PPP1R14C: variants seen among roughly 807,000 people sequenced by gnomAD.
PPP1R14C encodes the protein protein phosphatase 1 regulatory inhibitor subunit 14C.
A neutral mutation model predicts 20.4 loss-of-function variants in PPP1R14C; 16 were observed. The ratio of observed to expected loss-of-function variants is 0.78; its 90% CI spans 0.53 to 1.19. The LOEUF is 1.19. Among genes scored for constraint, PPP1R14C ranks in the 50% most tolerant of loss-of-function variants. The pLI is 0.00. For synonymous variants in PPP1R14C, 91 were observed against 91.0 expected (o/e 1.00, Z 0.00); for missense variants, 211 against 220.1 (o/e 0.96, Z 0.26).
At chr6:150,223,904 G>T in intron 3 of PPP1R14C, among the ~76,000 whole-genome samples, 1 of 152,022 alleles carries the variant, frequency 6.6e-6, no homozygotes, top group East Asian at 1.9e-4. Flanking sequence ...CTTTTGTGTT[G>T]TATCTACAAA....
At position 150,162,713 on chromosome 6, in the gene PPP1R14C, C is replaced by T. The variant is rs114504598; in HGVS notation, c.306+19215C>T. 4.7e-3 allele frequency among the ~76,000 whole-genome samples: 709 copies of T among 152,320 alleles called. 4 individuals are homozygous for T. Among genetic ancestry groups the T allele is most frequent in the African/African-American group, 0.016 (677 of 41,566 alleles). ...ATTAGTGAGGTCAAAATGCCACATG[C>T]ACTTTTAGGTGCTAGGGACACAGGT... On this transcript the variant is annotated intron_variant, in intron 1 of 3. Transcript: ENST00000361131.
At chr6:150,234,033 T>G (rs1778323919) in intron 3 of PPP1R14C, among the ~76,000 whole-genome samples, 1 of 152,196 alleles carries the variant, frequency 6.6e-6, no homozygotes, top group Non-Finnish European at 1.5e-5. Flanking sequence ...GGGGAGAGTG[T>G]GCGAATTCCC....
chr6:150,233,255 G>A (rs1434782980), intron 3 of PPP1R14C, among the ~76,000 whole-genome samples: 2 of 152,172 alleles, frequency 1.3e-5, no homozygotes, highest in Non-Finnish European at 1.5e-5. Flanking sequence ...GGGGCGGTTA[G>A]AGACCCAGGT....
At chr6:150,181,760 T>C (rs367933981) in intron 1 of PPP1R14C, among the ~76,000 whole-genome samples, 57 of 152,374 alleles carry the variant, frequency 3.7e-4, no homozygotes, top group Admixed American at 1.0e-3. Flanking sequence ...GAGCCATCTT[T>C]TTGACAAACA....
intron 1 of PPP1R14C, among the ~76,000 whole-genome samples, chr6:150,165,918 G>A (rs1418452311): frequency 1.3e-5 from 2 of 152,150 alleles, no homozygotes; most frequent in African/African-American, 4.8e-5. Context: ...AAAATTTAGT[G>A]CCAGACCAAA....
chr6:150,209,711 G>GT (rs1439708093), intron 1 of PPP1R14C, among the ~76,000 whole-genome samples: 1 of 151,680 alleles, frequency 6.6e-6, no homozygotes, highest in Non-Finnish European at 1.5e-5. Context: ...GTGTGTGCAT[G>GT]TGAGCGTATG....
intron 1 of PPP1R14C, among the ~76,000 whole-genome samples, chr6:150,199,043 C>T (rs1777845073): frequency 6.6e-6 from 1 of 151,540 alleles, no homozygotes. Flanking sequence ...GAATGGCATC[C>T]TTTACTTAAA....
chr6:150,224,301 C>T (rs918115844), intron 3 of PPP1R14C, among the ~76,000 whole-genome samples: 1 of 152,104 alleles, frequency 6.6e-6, no homozygotes, highest in South Asian at 2.1e-4. Flanking sequence ...TTATTTTTGT[C>T]CTGCAACATT....
chr6:150,247,515 C>A (rs1044463205), intron 3 of PPP1R14C, among the ~76,000 whole-genome samples: 10 of 152,052 alleles, frequency 6.6e-5, no homozygotes, highest in African/African-American at 2.2e-4. Context: ...TCATGAAATC[C>A]TTTTAGTGAG....
chr6:150,224,302 C>T (rs1778204547), intron 3 of PPP1R14C, among the ~76,000 whole-genome samples: 1 of 152,062 alleles, frequency 6.6e-6, no homozygotes, highest in Admixed American at 6.6e-5. Context: ...TATTTTTGTC[C>T]TGCAACATTG....
intron 1 of PPP1R14C, among the ~76,000 whole-genome samples, chr6:150,145,971 T>C (rs955661320): frequency 3.3e-5 from 5 of 152,200 alleles, no homozygotes; most frequent in African/African-American, 1.2e-4. Context: ...AAGTGATGTA[T>C]TTAGAAAGAG....
At chr6:150,225,888 C>G (rs1301053575) in intron 3 of PPP1R14C, among the ~76,000 whole-genome samples, 1 of 152,162 alleles carries the variant, frequency 6.6e-6, no homozygotes, top group Non-Finnish European at 1.5e-5. Flanking sequence ...GTTAAATATG[C>G]AAGAAGTCCA....
chr6:150,216,481 C>T lies in PPP1R14C; in HGVS notation c.391-343C>T, dbSNP rs140724872. 5.4e-3 allele frequency among the ~76,000 whole-genome samples: 819 copies of T among 151,458 alleles called. 6 individuals carry two copies. Among genetic ancestry groups the T allele is most frequent in the African/African-American group, 0.019 (772 of 41,188 alleles). On this transcript the variant is annotated intron_variant, in intron 2 of 3. Coordinates refer to ENST00000361131, the MANE Select transcript of PPP1R14C (RefSeq NM_030949.3). ...CTGCACTCTAGTCTGGGTGACAGAG[C>T]GAGATTCTGTCTCAAAACAAACAAA...
At chr6:150,183,562 A>G (rs532129079) in intron 1 of PPP1R14C, among the ~76,000 whole-genome samples, 154 of 151,986 alleles carry the variant, frequency 1.0e-3, no homozygotes, top group African/African-American at 3.3e-3. Flanking sequence ...CCCAGGCTGG[A>G]GTGCAAAGGT....
At chr6:150,159,965 T>C (rs1001060225) in intron 1 of PPP1R14C, among the ~76,000 whole-genome samples, 4 of 152,206 alleles carry the variant, frequency 2.6e-5, no homozygotes, top group Non-Finnish European at 4.4e-5. Flanking sequence ...CTTGACAGTA[T>C]TGTGGAGTAC....
intron 1 of PPP1R14C, among the ~76,000 whole-genome samples, chr6:150,161,123 T>C (rs1486851372): frequency 1.3e-5 from 2 of 151,816 alleles, no homozygotes; most frequent in Non-Finnish European, 2.9e-5. Context: ...CTACTAAAAA[T>C]ACAAAAATTA....
chr6:150,216,646 G>A (rs894120119), intron 2 of PPP1R14C, among the ~76,000 whole-genome samples, 178 bp from the exon 3 acceptor site: 4 of 152,170 alleles, frequency 2.6e-5, no homozygotes, highest in East Asian at 1.9e-4. Flanking sequence ...AAGGTTAAAC[G>A]TTTTCTATCT....
intron 1 of PPP1R14C, among the ~76,000 whole-genome samples, chr6:150,172,843 C>T (rs1340995171): frequency 6.6e-6 from 1 of 152,010 alleles, no homozygotes; most frequent in Non-Finnish European, 1.5e-5. Flanking sequence ...AGAGGCCTCA[C>T]ATGGCTGGAT....
intron 3 of PPP1R14C, among the ~76,000 whole-genome samples, chr6:150,222,765 CTTTTTTT>C (rs4038164): frequency 1.4e-5 from 1 of 71,278 alleles, no homozygotes; most frequent in Non-Finnish European, 2.4e-5. Context: ...TTCAAACTGG[CTTTTTTT>C]TTTTTTTTTT....
Sources: gnomAD v4.1 joint callset for allele counts (sites outside exome capture counted in the v4.1 genomes callset) on GRCh38, gnomAD v4.1.1 for gene constraint, MANE v1.5 for transcripts, NCBI Gene and HGNC (gene_info 2026-07-23, HGNC 2026-07-21) for gene names.